Variants in SEMA6D observed in about 807,000 individuals in gnomAD.
SEMA6D encodes semaphorin 6D, also known as semaphorin-6D.
A neutral mutation model predicts 106.6 loss-of-function variants in SEMA6D; 35 were observed. That is an observed-to-expected ratio of 0.33 (90% CI 0.25 to 0.44). SEMA6D has a LOEUF of 0.44. Ranked by LOEUF, SEMA6D falls within the 20% of genes least tolerant of loss-of-function variation. The pLI, the probability that SEMA6D is intolerant of heterozygous loss-of-function variation, is 1.00. For missense variants in SEMA6D, 1,185 were observed against 1,345.9 expected (o/e 0.88, Z 1.87); for synonymous variants, 499 against 487.7 (o/e 1.02, Z -0.31).
chr15:47,486,848 A>G (rs548649664), intron 3 of SEMA6D, among the ~76,000 whole-genome samples: 5 of 152,304 alleles, frequency 3.3e-5, no homozygotes, highest in South Asian at 2.1e-4. Context: ...ACTTTCCCCC[A>G]TACATGCTTA....
intron 3 of SEMA6D, among the ~76,000 whole-genome samples, chr15:47,502,355 C>G (rs547504008): frequency 6.6e-6 from 1 of 152,260 alleles, no homozygotes; most frequent in Admixed American, 6.5e-5. Context: ...ATTCTTTTGA[C>G]TTAAAAGTAC....
chr15:47,421,233 G>A (rs991043457), intron 2 of SEMA6D, among the ~76,000 whole-genome samples: 5 of 152,010 alleles, frequency 3.3e-5, no homozygotes, highest in Non-Finnish European at 5.9e-5. Context: ...CTCAATCTCA[G>A]GTTCTCACCA....
At chr15:47,724,377 G>A (rs2079607511) in intron 1 of SEMA6D, among the ~76,000 whole-genome samples, 1 of 152,214 alleles carries the variant, frequency 6.6e-6, no homozygotes, top group Admixed American at 6.5e-5. Context: ...ACTGCGTGCT[G>A]TAGGAAAAAC....
At chr15:47,294,326 C>A (rs1016074702) in intron 1 of SEMA6D, among the ~76,000 whole-genome samples, 6 of 151,900 alleles carry the variant, frequency 3.9e-5, no homozygotes, top group Admixed American at 3.9e-4. Flanking sequence ...CAGGTTCAAG[C>A]GATTCTCCTG....
chr15:47,363,868 G>A (rs1193960998), intron 1 of SEMA6D, among the ~76,000 whole-genome samples: 2 of 152,188 alleles, frequency 1.3e-5, no homozygotes, highest in African/African-American at 4.8e-5. Flanking sequence ...GGCGGAAGGC[G>A]AAGGGGAAGC....
At chr15:47,691,369 G>A (rs766579111) in intron 4 of SEMA6D, among the ~76,000 whole-genome samples, 1 of 152,072 alleles carries the variant, frequency 6.6e-6, no homozygotes, top group Non-Finnish European at 1.5e-5. Flanking sequence ...ATTTACTAGA[G>A]GTGGTAGGCA....
At chr15:47,367,787 C>T (rs1368431321) in intron 1 of SEMA6D, among the ~76,000 whole-genome samples, 2 of 151,826 alleles carry the variant, frequency 1.3e-5, no homozygotes, top group Non-Finnish European at 2.9e-5. Context: ...AATAATACTG[C>T]AATCTGTATT....
At chr15:47,497,561 A>C (rs2043709205) in intron 3 of SEMA6D, among the ~76,000 whole-genome samples, 1 of 152,032 alleles carries the variant, frequency 6.6e-6, no homozygotes, top group Admixed American at 6.6e-5. Context: ...TCTCTGCCTC[A>C]GTAGATTAAT....
intron 3 of SEMA6D, among the ~76,000 whole-genome samples, chr15:47,598,956 AG>A (rs2076590059): frequency 6.6e-6 from 1 of 152,154 alleles, no homozygotes; most frequent in Non-Finnish European, 1.5e-5. Flanking sequence ...CACTTAGCAC[AG>A]CCTGACGTCA....
intron 1 of SEMA6D, among the ~76,000 whole-genome samples, chr15:47,226,412 C>A (rs771164163): frequency 6.6e-6 from 1 of 151,960 alleles, no homozygotes; most frequent in Non-Finnish European, 1.5e-5. Flanking sequence ...GCCATCTCCC[C>A]GTCTAAAACA....
intron 4 of SEMA6D, among the ~76,000 whole-genome samples, chr15:47,605,782 C>T (rs1192601195): frequency 2.0e-5 from 3 of 152,192 alleles, no homozygotes; most frequent in Non-Finnish European, 4.4e-5. Flanking sequence ...GGGTTGGAGG[C>T]TTCCATGCAC....
chr15:47,652,866 A>G (rs1317298138), intron 4 of SEMA6D, among the ~76,000 whole-genome samples: 2 of 152,202 alleles, frequency 1.3e-5, no homozygotes, highest in East Asian at 3.9e-4. Flanking sequence ...CAGTGAGTGG[A>G]AAGTATTTTT....
chr15:47,571,365 GC>G (rs1192192962), intron 3 of SEMA6D, among the ~76,000 whole-genome samples: 1 of 152,202 alleles, frequency 6.6e-6, no homozygotes, highest in Non-Finnish European at 1.5e-5. Context: ...TATTCAAGTG[GC>G]TGCCATGGCC....
chr15:47,272,158 A>C (rs556021019), intron 1 of SEMA6D, among the ~76,000 whole-genome samples: 25 of 152,274 alleles, frequency 1.6e-4, no homozygotes, highest in African/African-American at 6.0e-4. Flanking sequence ...TGGAAAAGTT[A>C]GTTTGGAGAC....
At chr15:47,226,178 G>A (rs1390117088) in intron 1 of SEMA6D, among the ~76,000 whole-genome samples, 1 of 151,952 alleles carries the variant, frequency 6.6e-6, no homozygotes, top group Non-Finnish European at 1.5e-5. Flanking sequence ...TTCAATTTGA[G>A]GAATGTCAAA....
chr15:47,369,050 TG>T (rs1443503954), intron 1 of SEMA6D, among the ~76,000 whole-genome samples: 8 of 152,192 alleles, frequency 5.3e-5, no homozygotes, highest in African/African-American at 1.9e-4. Context: ...TAACTACCTA[TG>T]GTTCCATGTA....
At chr15:47,297,208 G>T (rs2035838249) in intron 1 of SEMA6D, among the ~76,000 whole-genome samples, 2 of 152,128 alleles carry the variant, frequency 1.3e-5, no homozygotes, top group Non-Finnish European at 2.9e-5. Context: ...ATATATATTT[G>T]TCTTGGAATA....
At chr15:47,226,150 C>T (rs908956527) in intron 1 of SEMA6D, among the ~76,000 whole-genome samples, 1 of 152,008 alleles carries the variant, frequency 6.6e-6, no homozygotes, top group Non-Finnish European at 1.5e-5. Context: ...ATAAAGGTAG[C>T]TATTAAGGTA....
chr15:47,335,216 A>C (rs1378598885), intron 1 of SEMA6D, among the ~76,000 whole-genome samples: 1 of 152,130 alleles, frequency 6.6e-6, no homozygotes, highest in Non-Finnish European at 1.5e-5. Flanking sequence ...CTCCCTGAGG[A>C]ACCTGTTTTA....
Sources: gnomAD v4.1 joint callset for allele counts (sites outside exome capture counted in the v4.1 genomes callset) on GRCh38, gnomAD v4.1.1 for gene constraint, MANE v1.5 for transcripts, NCBI Gene and HGNC (gene_info 2026-07-23, HGNC 2026-07-21) for gene names.